COMMD1: variants seen among roughly 807,000 people sequenced by gnomAD.
The protein encoded by COMMD1 is copper metabolism domain containing 1.
A neutral mutation model predicts 17.2 loss-of-function variants in COMMD1; 10 were observed. The observed-to-expected ratio is 0.58, with a 90% CI of 0.36 to 0.99. COMMD1 has a LOEUF of 0.99. Ranked by LOEUF, COMMD1 falls within the 50% of genes least tolerant of loss-of-function variation. COMMD1 has a pLI of 0.01. For missense variants in COMMD1, 270 were observed against 231.8 expected, an observed-to-expected ratio of 1.17 and a Z score of -1.07; for synonymous variants, 97 against 91.6, an observed-to-expected ratio of 1.06 and a Z score of -0.34.
chr2:61,905,643 CGGCTCAGCTGTTGCGGGGCGG>C, upstream of COMMD1: 2 of 1,505,644 alleles, frequency 1.3e-6, no homozygotes, highest in Non-Finnish European at 1.8e-6. Context: ...TGGCGGGGCA[CGGCTCAGCTGTTGCGGGGCGG>C]GGCCTTCGCA....
intron 2 of COMMD1, among the ~76,000 whole-genome samples, chr2:62,047,629 A>G (rs1670416890): frequency 6.6e-6 from 1 of 151,722 alleles, no homozygotes. Flanking sequence ...TAATTTTTGT[A>G]TTTTTAGGAG....
At chr2:62,057,645 G>T (rs1670744613) in intron 2 of COMMD1, among the ~76,000 whole-genome samples, 1 of 151,998 alleles carries the variant, frequency 6.6e-6, no homozygotes, top group South Asian at 2.1e-4. Flanking sequence ...AGGCTAGAGT[G>T]CAGTGGCCTC....
At chr2:62,130,429 T>C (rs947267453) in intron 2 of COMMD1, among the ~76,000 whole-genome samples, 1 of 152,114 alleles carries the variant, frequency 6.6e-6, no homozygotes, top group South Asian at 2.1e-4. Context: ...TGCACACCTA[T>C]GTGGCCTTTT....
At chr2:62,122,625 C>T (rs1438791730) in intron 2 of COMMD1, among the ~76,000 whole-genome samples, 1 of 152,208 alleles carries the variant, frequency 6.6e-6, no homozygotes, top group East Asian at 1.9e-4. Context: ...AAGAACCACT[C>T]ATTCTTGCAA....
At chr2:62,083,576 C>G (rs1025214871) in intron 2 of COMMD1, among the ~76,000 whole-genome samples, 16 of 152,168 alleles carry the variant, frequency 1.1e-4, no homozygotes, top group African/African-American at 3.6e-4. Context: ...AGTCAGTGTT[C>G]TTATAGAATG....
intron 1 of COMMD1, chr2:61,915,656 A>AT (rs1010874191): frequency 2.0e-5 from 9 of 451,822 alleles, no homozygotes; most frequent in African/African-American, 1.0e-4. Context: ...TGCCTGCCTA[A>AT]TTTTTTTATT....
chr2:61,920,969 A>G (rs189258438), intron 1 of COMMD1, among the ~76,000 whole-genome samples: 162 of 132,656 alleles, frequency 1.2e-3, no homozygotes, highest in East Asian at 9.3e-3. Context: ...ATGTGTGTAT[A>G]TATATATATA....
chr2:61,966,225 C>G (rs1465092057), intron 1 of COMMD1, among the ~76,000 whole-genome samples: 1 of 152,090 alleles, frequency 6.6e-6, no homozygotes, highest in Non-Finnish European at 1.5e-5. Context: ...TACTGTTAAA[C>G]TGCCTGCCCC....
intron 2 of COMMD1, among the ~76,000 whole-genome samples, chr2:62,127,858 T>C (rs1353681944): frequency 6.6e-6 from 1 of 151,708 alleles, no homozygotes; most frequent in Non-Finnish European, 1.5e-5. Context: ...ACCCCATCAC[T>C]ACTAAAAATA....
At chr2:62,003,290 T>G (rs556021230) in intron 2 of COMMD1, among the ~76,000 whole-genome samples, 2 of 145,880 alleles carry the variant, frequency 1.4e-5, no homozygotes, top group South Asian at 4.3e-4. Flanking sequence ...GCCTGTAATC[T>G]CAACACTTTG....
At chr2:62,128,234 A>C (rs1672935592) in intron 2 of COMMD1, among the ~76,000 whole-genome samples, 1 of 151,934 alleles carries the variant, frequency 6.6e-6, no homozygotes, top group Non-Finnish European at 1.5e-5. Context: ...AGGCTAAGGC[A>C]TGAGAATTGC....
chr2:61,964,379 G>A (rs931733422), intron 1 of COMMD1, among the ~76,000 whole-genome samples: 1 of 152,070 alleles, frequency 6.6e-6, no homozygotes, highest in African/African-American at 2.4e-5. Context: ...GAGCCACCAT[G>A]CCTAGCTAAT....
chr2:62,023,103 G>A (rs113180498), intron 2 of COMMD1, among the ~76,000 whole-genome samples: 5,342 of 152,144 alleles, frequency 0.035, 210 homozygotes, highest in South Asian at 0.16. Flanking sequence ...GCACATGCCT[G>A]TAATCCCAGC....
chr2:62,025,104 C>T (rs1669720138), intron 2 of COMMD1, among the ~76,000 whole-genome samples: 1 of 152,010 alleles, frequency 6.6e-6, no homozygotes, highest in Admixed American at 6.5e-5. Context: ...CCTGTAATGC[C>T]AGCTACTTGG....
intron 1 of COMMD1, among the ~76,000 whole-genome samples, chr2:61,964,307 A>T (rs1671448889): frequency 6.6e-6 from 1 of 151,710 alleles, no homozygotes; most frequent in African/African-American, 2.4e-5. Context: ...TGCAGTCTTG[A>T]TCTCTTGGGC....
In COMMD1 at chr2:61,905,791, A is replaced by G; in HGVS notation, c.113A>G (p.Gln38Arg). Residue 38 changes from glutamine to arginine, a missense_variant, in exon 1 of 3, where the codon CAG becomes CGG. Gln to Arg is a conservative substitution (Grantham distance 43, BLOSUM62 1). Coordinates refer to ENST00000311832, the MANE Select transcript of COMMD1 (RefSeq NM_152516.4). Reference protein sequence around the residue: ...PGITEELLRSQLYPEVPPEEF... With the variant: ...PGITEELLRSRLYPEVPPEEF... ...ATCACAGAGGAGCTGCTACGGAGCC[A>G]GCTATATCCAGAGGTGCCACCCGAG... The G allele has an allele frequency of 2.5e-6, 4 of 1,614,228 alleles. No homozygotes were observed. The highest frequency in any genetic ancestry group is 3.4e-6 in the Non-Finnish European group (4 of 1,180,034).
chr2:61,905,201 C>T (rs1669740012), upstream of COMMD1, among the ~76,000 whole-genome samples: 1 of 152,038 alleles, frequency 6.6e-6, no homozygotes, highest in Non-Finnish European at 1.5e-5. Flanking sequence ...CAATTAACAA[C>T]CCAAAGAAAA....
chr2:61,931,511 A>G (rs1450908039), intron 1 of COMMD1, among the ~76,000 whole-genome samples: 2 of 152,240 alleles, frequency 1.3e-5, no homozygotes, highest in East Asian at 3.9e-4. Flanking sequence ...TCTCATGGGC[A>G]GAGCCTCTAA....
intron 2 of COMMD1, among the ~76,000 whole-genome samples, chr2:62,099,835 G>T (rs935850896): frequency 1.3e-5 from 2 of 151,982 alleles, no homozygotes; most frequent in African/African-American, 4.8e-5. Flanking sequence ...TGCATGTTGC[G>T]GAGAGTCAAC....
Sources: gnomAD v4.1 joint callset for allele counts (sites outside exome capture counted in the v4.1 genomes callset) on GRCh38, gnomAD v4.1.1 for gene constraint, MANE v1.5 for transcripts, NCBI Gene and HGNC (gene_info 2026-07-23, HGNC 2026-07-21) for gene names.